Variants in C1orf141 observed in about 807,000 individuals in gnomAD.
C1orf141 encodes the protein uncharacterized protein C1orf141.
Under a neutral mutation model 23.2 loss-of-function variants are expected in C1orf141, and 19 were observed. The ratio of observed to expected loss-of-function variants is 0.82; its 90% CI spans 0.57 to 1.20. The LOEUF is 1.20. Among genes scored for constraint, C1orf141 ranks in the 50% most tolerant of loss-of-function variants. C1orf141 has a pLI of 0.00. For synonymous variants in C1orf141, 153 were observed against 154.6 expected (o/e 0.99, Z 0.08); for missense variants, 469 against 455.1 (o/e 1.03, Z -0.28).
At chr1:67,115,557 T>C (rs1646176971) in intron 4 of C1orf141, 93 bp from the exon 5 acceptor site, 4 of 566,030 alleles carry the variant, frequency 7.1e-6, no homozygotes, top group Admixed American at 3.5e-5. Flanking sequence ...GAAGTCCTAG[T>C]TATACAGACT....
intron 5 of C1orf141, among the ~76,000 whole-genome samples, chr1:67,109,939 C>T (rs1646029022): frequency 6.6e-6 from 1 of 151,554 alleles, no homozygotes; most frequent in Admixed American, 6.6e-5. Flanking sequence ...AAAAAGAGTC[C>T]ATTGTTGTTA....
intron 4 of C1orf141, chr1:67,123,466 T>A (rs888855801): frequency 1.3e-5 from 2 of 152,150 alleles, no homozygotes; most frequent in Non-Finnish European, 2.9e-5. Flanking sequence ...TCATATTTTT[T>A]GAAGTTTCCA....
chr1:67,121,572 A>G (rs1646299563), intron 4 of C1orf141: 2 of 152,356 alleles, frequency 1.3e-5, no homozygotes, highest in African/African-American at 4.8e-5. Flanking sequence ...AAAACCATGA[A>G]TAATAGTAAA....
chr1:67,131,391 GGTGACAGA>G (rs1391628014), intron 1 of C1orf141, among the ~76,000 whole-genome samples, 164 bp from the exon 2 acceptor site: 1 of 152,094 alleles, frequency 6.6e-6, no homozygotes, highest in Non-Finnish European at 1.5e-5. Context: ...CTCCAGCCTA[GGTGACAGA>G]GTGAGACTCC....
chr1:67,125,353 T>A (rs1430771722), intron 4 of C1orf141, among the ~76,000 whole-genome samples: 1 of 152,198 alleles, frequency 6.6e-6, no homozygotes, highest in Non-Finnish European at 1.5e-5. Flanking sequence ...CATAAAACTT[T>A]CATTTAATAT....
chr1:67,128,147 C>T (rs1646451784), intron 2 of C1orf141, among the ~76,000 whole-genome samples: 1 of 152,066 alleles, frequency 6.6e-6, no homozygotes, highest in Non-Finnish European at 1.5e-5. Flanking sequence ...GTTCATATTT[C>T]CTAGTTAATT....
rs768884840 is a variant in C1orf141 at position 67,125,613 on chromosome 1, C to T, written c.233+139G>A. 2.2e-4 allele frequency: 174 copies of T among 807,572 alleles called. 1 individual carries two copies. Among genetic ancestry groups the T allele is most frequent in the Non-Finnish European group, 3.6e-4 (167 of 465,204 alleles). 50.0% of individuals were successfully genotyped at this position (807,572 alleles called of 1,614,324 possible). ...ACTCTGGAGGCCAAGGTGGGAGAAT[C>T]ACCTAAACCTGGGAAGTTGAGGCTG... On this transcript the variant is annotated intron_variant, in intron 4 of 7. Transcript: ENST00000684719.
At chr1:67,101,449 A>AGTGT (rs10688535) in intron 5 of C1orf141, among the ~76,000 whole-genome samples, 11,336 of 135,206 alleles carry the variant, frequency 0.084, 558 homozygotes, top group East Asian at 0.13. Flanking sequence ...TGAATGTAAG[A>AGTGT]GTGTGTGTGT....
At chr1:67,116,471 A>G (rs1646195545) in intron 4 of C1orf141, among the ~76,000 whole-genome samples, 1 of 151,708 alleles carries the variant, frequency 6.6e-6, no homozygotes, top group South Asian at 2.1e-4. Context: ...TCTCCCTGCT[A>G]TTACACTTGT....
intron 1 of C1orf141, among the ~76,000 whole-genome samples, chr1:67,141,548 A>C (rs1012173877): frequency 2.6e-5 from 4 of 152,194 alleles, no homozygotes; most frequent in Non-Finnish European, 4.4e-5. Context: ...ATTTGAGGCC[A>C]GGAGATCAAG....
At chr1:67,126,612 GC>G (rs1646419109) in intron 3 of C1orf141, among the ~76,000 whole-genome samples, 2 of 152,140 alleles carry the variant, frequency 1.3e-5, no homozygotes, top group African/African-American at 4.8e-5. Context: ...GAAAACAACT[GC>G]CCCCAGCTAT....
rs200597172 is a variant in C1orf141, at chr1:67,125,804, C to T, written c.181G>A (p.Ala61Thr). 14 of 1,613,638 alleles carry T rather than the reference C, an allele frequency of 8.7e-6. No individual in the cohort carries two copies. The highest frequency in any genetic ancestry group is 8.3e-5 in the Admixed American group (5 of 59,982). The change falls in exon 4 of 8, where the codon GCA becomes ACA. Residue 61 changes from alanine to threonine, a missense_variant. By Grantham distance (58) the Ala-to-Thr change is moderately conservative (BLOSUM62 0). Transcript: ENST00000684719. ...TTGTCTTCTTTGATCTTTGATATTG[C>T]CTTAGACGCGGATGTAGCAAGAGCT... The part of the protein sequence containing the change: ...EEALATSASK[A>T]ISKIKEDKSC...
At chr1:67,099,243 A>C (rs1048765870) in intron 5 of C1orf141, among the ~76,000 whole-genome samples, 7 of 152,218 alleles carry the variant, frequency 4.6e-5, no homozygotes, top group Non-Finnish European at 8.8e-5. Context: ...TCTGTAGAGG[A>C]ATGACAATTG....
chr1:67,130,436 C>G (rs1017312965), intron 2 of C1orf141, among the ~76,000 whole-genome samples: 10 of 152,162 alleles, frequency 6.6e-5, no homozygotes, highest in Non-Finnish European at 1.5e-4. Context: ...GATCTTTTTA[C>G]AGTAAGGTGT....
At chr1:67,138,623 C>T (rs949787723), upstream of C1orf141, among the ~76,000 whole-genome samples, 1 of 152,158 alleles carries the variant, frequency 6.6e-6, no homozygotes, top group Non-Finnish European at 1.5e-5. Context: ...TATAGAACTT[C>T]TACCATCTGA....
chr1:67,133,594 G>C (rs145943860), intron 1 of C1orf141, among the ~76,000 whole-genome samples: 7 of 152,310 alleles, frequency 4.6e-5, no homozygotes, highest in Non-Finnish European at 1.0e-4. Context: ...CTAGGCCCCA[G>C]GATCTCAGAC....
chr1:67,115,229 T>C, intron 5 of C1orf141, 123 bp downstream of exon 5: 3 of 554,564 alleles, frequency 5.4e-6, no homozygotes, highest in East Asian at 7.0e-5. Context: ...TTATAGTTCA[T>C]GGAAATGCTT....
intron 5 of C1orf141, among the ~76,000 whole-genome samples, chr1:67,099,315 T>C (rs1360508060): frequency 6.6e-6 from 1 of 152,118 alleles, no homozygotes; most frequent in Non-Finnish European, 1.5e-5. Flanking sequence ...ATCTGTAAAA[T>C]GCTGAGAAAA....
At chr1:67,098,502 A>T (rs1421071740) in intron 5 of C1orf141, among the ~76,000 whole-genome samples, 1 of 152,206 alleles carries the variant, frequency 6.6e-6, no homozygotes, top group Non-Finnish European at 1.5e-5. Context: ...CCTAGGCGAC[A>T]GGGTGAGACT....
Sources: allele counts gnomAD v4.1 joint callset (sites outside exome capture counted in the v4.1 genomes callset), GRCh38; gene constraint gnomAD v4.1.1; transcripts MANE v1.5; gene names NCBI Gene and HGNC (gene_info 2026-07-23, HGNC 2026-07-21).